The following HDAC9 variants were observed in gnomAD, a reference collection of about 807,000 sequenced individuals.
HDAC9 encodes the protein histone deacetylase 9, also known as MEF-2 interacting transcription repressor (MITR) protein.
HDAC9 carries 41 observed loss-of-function variants against 139.4 expected under a neutral mutation model. The ratio of observed to expected loss-of-function variants is 0.29; its 90% confidence interval spans 0.23 to 0.38. HDAC9 has a LOEUF of 0.38. HDAC9 is among the 10% of genes least tolerant of loss of function. The pLI, the probability that HDAC9 is intolerant of heterozygous loss-of-function variation, is 1.00. For missense variants in HDAC9, 1,147 were observed against 1,297.0 expected (o/e 0.88, Z 1.78); for synonymous variants, 517 against 476.2 (o/e 1.09, Z -1.12).
chr7:18,718,409 T>C (rs927588600), intron 12 of HDAC9, among the ~76,000 whole-genome samples: 4 of 152,038 alleles, frequency 2.6e-5, no homozygotes, highest in Non-Finnish European at 5.9e-5. Context: ...TTTTTTTGCA[T>C]TTTAGTAGAG....
chr7:18,980,686 T>C lies in HDAC9; in HGVS notation c.3170+4733T>C, dbSNP rs185141167. Among the ~76,000 whole-genome samples the C allele has an allele frequency of 1.4e-4, 19 of 138,256 alleles. No homozygotes were observed. In the East Asian group the frequency reaches 4.4e-3, roughly 32 times the overall value. 90.7% of individuals were successfully genotyped at this position (138,256 alleles called of 152,430 possible). On this transcript the variant is annotated intron_variant, in intron 25 of 25. Transcript: ENST00000686413. Reference sequence around the variant, plus strand: ...CTTGTTCTTCTTGTTCTTGTTCTTCTTGTTCTTCTTCCTTCTTCTTCCTTC... The same window carrying C: ...CTTGTTCTTCTTGTTCTTGTTCTTCCTGTTCTTCTTCCTTCTTCTTCCTTC...
intron 1 of HDAC9, among the ~76,000 whole-genome samples, chr7:18,477,410 C>CGTGTGTGTGTGT (rs141824569): frequency 6.6e-6 from 1 of 150,990 alleles, no homozygotes; most frequent in Admixed American, 6.6e-5. Flanking sequence ...TGCGTGCATG[C>CGTGTGTGTGTGT]GTGTGTGTGT....
chr7:18,088,451 C>A (rs967167084), intron 1 of HDAC9, among the ~76,000 whole-genome samples: 1 of 151,988 alleles, frequency 6.6e-6, no homozygotes, highest in Admixed American at 6.6e-5. Context: ...AAAGGGAGTA[C>A]GTACATAGAA....
At chr7:18,531,071 T>C (rs546499229) in intron 2 of HDAC9, among the ~76,000 whole-genome samples, 1 of 152,064 alleles carries the variant, frequency 6.6e-6, no homozygotes, top group African/African-American at 2.4e-5. Context: ...ACTTTCAGCA[T>C]TGTCTATTGA....
chr7:18,866,225 G>C (rs1330470248), intron 21 of HDAC9, among the ~76,000 whole-genome samples: 4 of 151,582 alleles, frequency 2.6e-5, no homozygotes, highest in Non-Finnish European at 5.9e-5. Context: ...CCACTGCAGG[G>C]CTATGTCCAC....
intron 2 of HDAC9, among the ~76,000 whole-genome samples, chr7:18,535,446 T>C (rs766222696): frequency 2.0e-5 from 3 of 151,910 alleles, no homozygotes; most frequent in Non-Finnish European, 4.4e-5. Context: ...ATTATTGCCA[T>C]GGACCTGATA....
intron 2 of HDAC9, among the ~76,000 whole-genome samples, chr7:18,581,414 G>C (rs1421017610): frequency 6.6e-6 from 1 of 152,116 alleles, no homozygotes; most frequent in African/African-American, 2.4e-5. Flanking sequence ...TTTCTGTTGG[G>C]ATAGCAGGTT....
chr7:18,986,705 A>G (rs1265781155), intron 25 of HDAC9, among the ~76,000 whole-genome samples: 1 of 152,238 alleles, frequency 6.6e-6, no homozygotes, highest in Non-Finnish European at 1.5e-5. Flanking sequence ...ACCCATGAGC[A>G]TGGAATATTC....
chr7:18,990,988 C>A (rs1785877249), intron 25 of HDAC9, among the ~76,000 whole-genome samples: 2 of 152,242 alleles, frequency 1.3e-5, no homozygotes, highest in African/African-American at 2.4e-5. Flanking sequence ...GATGGAAATG[C>A]AGAAATCACC....
At chr7:18,954,627 A>T (rs1783022736) in intron 24 of HDAC9, among the ~76,000 whole-genome samples, 1 of 152,130 alleles carries the variant, frequency 6.6e-6, no homozygotes, top group Non-Finnish European at 1.5e-5. Context: ...GGAAAAAAAA[A>T]TTAATGAGAA....
intron 17 of HDAC9, among the ~76,000 whole-genome samples, chr7:18,810,748 T>C (rs1304972700): frequency 6.6e-6 from 1 of 151,876 alleles, no homozygotes; most frequent in Admixed American, 6.6e-5. Flanking sequence ...TTATAGAACT[T>C]TATATAAATG....
chr7:18,744,900 T>C (rs1292396379), intron 13 of HDAC9, among the ~76,000 whole-genome samples: 2 of 152,166 alleles, frequency 1.3e-5, no homozygotes, highest in Non-Finnish European at 2.9e-5. Context: ...TATACGTATA[T>C]ATGTGGAAAA....
chr7:18,401,891 T>C (rs564438174), intron 1 of HDAC9, among the ~76,000 whole-genome samples: 16 of 152,342 alleles, frequency 1.1e-4, no homozygotes, highest in Admixed American at 9.1e-4. Context: ...GAAACACAAT[T>C]CGAATATAAC....
chr7:18,763,602 A>C (rs914926236), intron 15 of HDAC9, among the ~76,000 whole-genome samples: 2 of 152,154 alleles, frequency 1.3e-5, no homozygotes, highest in African/African-American at 4.8e-5. Flanking sequence ...GATACTTTAC[A>C]TAAAATACCT....
At chr7:18,335,865 C>T (rs1405500397) in intron 1 of HDAC9, among the ~76,000 whole-genome samples, 2 of 151,410 alleles carry the variant, frequency 1.3e-5, no homozygotes, top group Admixed American at 6.6e-5. Flanking sequence ...TATGGAAGGC[C>T]AATCCATAAA....
At chr7:18,301,497 T>G (rs1410607586) in intron 1 of HDAC9, among the ~76,000 whole-genome samples, 1 of 152,140 alleles carries the variant, frequency 6.6e-6, no homozygotes, top group African/African-American at 2.4e-5. Flanking sequence ...TTATTTAGGT[T>G]TCATTTACTG....
chr7:18,839,564 G>A (rs1796453708), intron 21 of HDAC9, among the ~76,000 whole-genome samples: 1 of 152,076 alleles, frequency 6.6e-6, no homozygotes, highest in South Asian at 2.1e-4. Context: ...AGAGAAGAAA[G>A]AGGGAATAAT....
At chr7:18,717,628 C>G (rs1784802574) in intron 12 of HDAC9, among the ~76,000 whole-genome samples, 1 of 151,838 alleles carries the variant, frequency 6.6e-6, no homozygotes, top group Non-Finnish European at 1.5e-5. Context: ...ATGGGATTTC[C>G]CCATGTTGGT....
intron 2 of HDAC9, among the ~76,000 whole-genome samples, chr7:18,227,788 A>T (rs1793163864): frequency 6.6e-6 from 1 of 152,158 alleles, no homozygotes; most frequent in Non-Finnish European, 1.5e-5. Context: ...ATAGCTTCTA[A>T]AGGTTTTCTC....
Sources: allele counts gnomAD v4.1 joint callset (sites outside exome capture counted in the v4.1 genomes callset), GRCh38; gene constraint gnomAD v4.1.1; transcripts MANE v1.5; gene names NCBI Gene and HGNC (gene_info 2026-07-23, HGNC 2026-07-21).